The following NEGR1 variants were observed in gnomAD, a reference collection of about 807,000 sequenced individuals.
The protein encoded by NEGR1 is neuronal growth regulator 1.
In NEGR1, 10 loss-of-function variants were observed where a neutral mutation model predicts 40.9. The observed-to-expected ratio is 0.24, with a 90% CI of 0.15 to 0.42. The LOEUF (loss-of-function observed/expected upper bound fraction) is 0.42. Ranked by LOEUF, NEGR1 falls within the 10% of genes least tolerant of loss-of-function variation. The probability of loss-of-function intolerance (pLI) is 1.00; values close to 1 mark genes in which losing one functional copy is unlikely to be tolerated. For synonymous variants in NEGR1, 185 were observed against 166.8 expected, an observed-to-expected ratio of 1.11 and a Z score of -0.84; for missense variants, 352 against 438.9, an observed-to-expected ratio of 0.80 and a Z score of 1.77.
At chr1:72,244,629 A>G (rs1467510297) in intron 1 of NEGR1, among the ~76,000 whole-genome samples, 2 of 151,956 alleles carry the variant, frequency 1.3e-5, no homozygotes, top group Non-Finnish European at 2.9e-5. Flanking sequence ...GCAACACTGC[A>G]TCAGTGAATA....
intron 1 of NEGR1, among the ~76,000 whole-genome samples, chr1:71,954,423 T>C (rs1316626677): frequency 6.6e-6 from 1 of 152,028 alleles, no homozygotes; most frequent in Admixed American, 6.6e-5. Flanking sequence ...AGAAAGGCTT[T>C]TTTGATCATA....
intron 4 of NEGR1, among the ~76,000 whole-genome samples, chr1:71,667,022 T>C (rs1652266459): frequency 6.6e-6 from 1 of 152,148 alleles, no homozygotes. Flanking sequence ...TATACATTTC[T>C]ACAGGAAAAA....
intron 6 of NEGR1, among the ~76,000 whole-genome samples, chr1:71,438,097 A>G (rs892363822): frequency 3.3e-5 from 5 of 152,210 alleles, no homozygotes; most frequent in African/African-American, 1.2e-4. Context: ...ACGCTTGTTG[A>G]GAGTTTCAAC....
chr1:71,573,193 T>G (rs1168856300), intron 6 of NEGR1, among the ~76,000 whole-genome samples: 1 of 151,998 alleles, frequency 6.6e-6, no homozygotes, highest in Non-Finnish European at 1.5e-5. Flanking sequence ...GCTACATGAA[T>G]AGAATAGATA....
chr1:71,740,724 T>C (rs1035138501), intron 3 of NEGR1, among the ~76,000 whole-genome samples: 1 of 152,170 alleles, frequency 6.6e-6, no homozygotes, highest in Non-Finnish European at 1.5e-5. Flanking sequence ...TTTAATGAAA[T>C]TAAATAAATT....
At chr1:72,071,030 T>C (rs760048393) in intron 1 of NEGR1, among the ~76,000 whole-genome samples, 3 of 152,066 alleles carry the variant, frequency 2.0e-5, no homozygotes, top group African/African-American at 4.8e-5. Context: ...AAGTGGAACA[T>C]AGTTTTTATT....
chr1:71,764,407 C>T (rs1361202614), intron 3 of NEGR1, among the ~76,000 whole-genome samples: 1 of 152,178 alleles, frequency 6.6e-6, no homozygotes, highest in East Asian at 1.9e-4. Flanking sequence ...TTTTAATAGA[C>T]ATTCTCTCTT....
At chr1:71,747,308 C>T (rs1182624112) in intron 3 of NEGR1, among the ~76,000 whole-genome samples, 2 of 152,098 alleles carry the variant, frequency 1.3e-5, no homozygotes, top group Middle Eastern at 3.2e-3. Context: ...AGTCAATCTT[C>T]TTCCATTAAA....
At chr1:71,932,916 A>G (rs1238969721) in intron 2 of NEGR1, among the ~76,000 whole-genome samples, 1 of 152,112 alleles carries the variant, frequency 6.6e-6, no homozygotes, top group Non-Finnish European at 1.5e-5. Context: ...TAGTACTTGA[A>G]TTGACTGACA....
At chr1:71,752,086 C>T (rs1260376149) in intron 3 of NEGR1, among the ~76,000 whole-genome samples, 3 of 152,062 alleles carry the variant, frequency 2.0e-5, no homozygotes, top group Admixed American at 6.5e-5. Flanking sequence ...GAGTAGTAAC[C>T]ACGAAATAAA....
intron 6 of NEGR1, among the ~76,000 whole-genome samples, chr1:71,588,391 T>G (rs537687431): frequency 2.9e-4 from 44 of 152,230 alleles, no homozygotes; most frequent in African/African-American, 9.9e-4. Context: ...TATACAGTGA[T>G]CTGCACAATA....
intron 6 of NEGR1, among the ~76,000 whole-genome samples, chr1:71,571,652 A>G (rs1347918807): frequency 2.6e-5 from 4 of 152,100 alleles, no homozygotes; most frequent in African/African-American, 9.6e-5. Flanking sequence ...ATTTAGCCAG[A>G]CAGGGTGGCA....
intron 4 of NEGR1, among the ~76,000 whole-genome samples, chr1:71,673,946 C>G (rs1652523723): frequency 6.6e-6 from 1 of 151,870 alleles, no homozygotes; most frequent in Non-Finnish European, 1.5e-5. Flanking sequence ...CATTTTTGTA[C>G]TTTTTTGAAT....
chr1:72,128,913 G>A (rs578168166), intron 1 of NEGR1, among the ~76,000 whole-genome samples: 1 of 152,244 alleles, frequency 6.6e-6, no homozygotes, highest in South Asian at 2.1e-4. Context: ...AGAAGGAAGG[G>A]AGGACTGGTT....
intron 3 of NEGR1, among the ~76,000 whole-genome samples, chr1:71,722,715 T>C (rs1654549228): frequency 2.0e-5 from 3 of 150,882 alleles, no homozygotes; most frequent in African/African-American, 7.5e-5. Context: ...AAAATTGGCA[T>C]ACATTTTTTT....
At chr1:72,081,072 T>C (rs1647975967) in intron 1 of NEGR1, among the ~76,000 whole-genome samples, 1 of 152,134 alleles carries the variant, frequency 6.6e-6, no homozygotes, top group East Asian at 1.9e-4. Context: ...GAAGGAAAAA[T>C]GCACTGTGGA....
intron 2 of NEGR1, among the ~76,000 whole-genome samples, chr1:71,826,593 C>T (rs868555085): frequency 4.0e-5 from 6 of 151,598 alleles, no homozygotes; most frequent in East Asian, 1.9e-4. Context: ...ATATTATATG[C>T]GAGCCTATGG....
chr1:71,511,592 A>G (rs1178182205), intron 6 of NEGR1, among the ~76,000 whole-genome samples: 1 of 152,208 alleles, frequency 6.6e-6, no homozygotes, highest in African/African-American at 2.4e-5. Context: ...CACAGAATTG[A>G]AGCATTATTT....
chr1:71,725,913 T>C (rs1056152065), intron 3 of NEGR1, among the ~76,000 whole-genome samples: 3 of 152,148 alleles, frequency 2.0e-5, no homozygotes, highest in Admixed American at 2.0e-4. Flanking sequence ...TCTCTACTTC[T>C]ACATAAGTGA....
Sources: allele counts gnomAD v4.1 joint callset (sites outside exome capture counted in the v4.1 genomes callset), GRCh38; gene constraint gnomAD v4.1.1; transcripts MANE v1.5; gene names NCBI Gene and HGNC (gene_info 2026-07-23, HGNC 2026-07-21).